PPP1R10: variants seen among roughly 807,000 people sequenced by gnomAD.
The protein encoded by PPP1R10 is serine/threonine-protein phosphatase 1 regulatory subunit 10.
In PPP1R10, 15 loss-of-function variants were observed where a neutral mutation model predicts 99.0. The ratio of observed to expected loss-of-function variants is 0.15; its 90% CI spans 0.10 to 0.23. PPP1R10 has a LOEUF of 0.23. Among genes scored for constraint, PPP1R10 ranks in the 10% least tolerant of loss-of-function variants. The pLI, the probability that PPP1R10 is intolerant of heterozygous loss-of-function variation, is 1.00. For synonymous variants in PPP1R10, 430 were observed against 449.5 expected (o/e 0.96, Z 0.55); for missense variants, 947 against 1,259.4 (o/e 0.75, Z 3.75).
In PPP1R10 at chr6:30,604,690, T is replaced by C. The variant is rs766607242; in HGVS notation, c.1000A>G (p.Lys334Glu). ...GKTSTEPSTA[K>E]PSSPEPAPPS... is the part of the protein sequence containing the mutation. ...GGTGCTGGTTCTGGGGAAGAAGGTTTGGCTGTGCTTGGTTCTGTGCTCGTT... is the reference window on the plus strand; with the variant it reads ...GGTGCTGGTTCTGGGGAAGAAGGTTCGGCTGTGCTTGGTTCTGTGCTCGTT... The change falls in exon 12 of 20, where the codon AAA (lysine) becomes GAA (glutamate). Residue 334 changes from lysine to glutamate, a missense_variant. By Grantham distance (56) the Lys-to-Glu change is moderately conservative. Coordinates refer to ENST00000376511, the MANE Select transcript of PPP1R10 (RefSeq NM_002714.4). The surrounding 1 kb of genome is among the most constrained non-coding windows in gnomAD (Gnocchi z 7.3). The C allele has an allele frequency of 1.2e-6, 2 of 1,613,130 alleles. No individual in the cohort carries two copies. Among genetic ancestry groups the C allele is most frequent in the Non-Finnish European group, 8.5e-7 (1 of 1,180,038 alleles).
intron 2 of PPP1R10, among the ~76,000 whole-genome samples, chr6:30,612,445 CTCTGCTGGA>C (rs1804653472): frequency 6.6e-6 from 1 of 152,282 alleles, no homozygotes; most frequent in Non-Finnish European, 1.5e-5. Context: ...GTCCAGTGCC[CTCTGCTGGA>C]AATGGGATCC....
At chr6:30,616,254 C>T (rs532348905) in intron 2 of PPP1R10, among the ~76,000 whole-genome samples, 6 of 152,246 alleles carry the variant, frequency 3.9e-5, no homozygotes, top group African/African-American at 7.2e-5. Flanking sequence ...TCCACCCTCT[C>T]TTTGCCTGCA....
Position 30,603,282 on chromosome 6 carries a change from T to C in PPP1R10, c.1771A>G (p.Ser591Gly). 1 of 1,612,794 alleles carries C rather than the reference T, an allele frequency of 6.2e-7. No individual in the cohort carries two copies. Reference sequence around the variant, plus strand: ...TCCTCTGAAGGATGACTGTTTGGGCTACCCTGTGAGGATGTAAGAAGGCAA... The same window carrying C: ...TCCTCTGAAGGATGACTGTTTGGGCCACCCTGTGAGGATGTAAGAAGGCAA... ...VQEILTSIMG[S>G]PNSHPSEELL... The change falls in exon 17 of 20, where the codon AGC (serine) becomes GGC (glycine). Residue 591 changes from serine (S) to glycine (G), a missense_variant. Ser to Gly is a moderately conservative substitution (Grantham distance 56, BLOSUM62 0). Around this residue, in one of 10 missense-constraint regions of PPP1R10, gnomAD observed 525 missense variants for 578.8 expected, o/e 0.91. Transcript: ENST00000376511.
In PPP1R10 at chr6:30,602,843, T is replaced by C; in HGVS notation, c.1957+3A>G. ...CCATTCCAACCTTTTACTCACCACC[T>C]ACCTGGCATAGGTCCCCCAGGTCCA... On this transcript the variant is annotated splice_donor_region_variant and intron_variant, in intron 18 of 19. Transcript: ENST00000376511. This position sits in a 1 kb window ranked among gnomAD's most constrained non-coding sequence, Gnocchi z 6.7. 1 of 1,552,546 alleles carries C rather than the reference T, an allele frequency of 6.4e-7. No individual in the cohort carries two copies. Among genetic ancestry groups the C allele is most frequent in the Non-Finnish European group, 8.7e-7 (1 of 1,146,534 alleles).
At chr6:30,613,271 G>A (rs989676988) in intron 2 of PPP1R10, among the ~76,000 whole-genome samples, 3 of 152,168 alleles carry the variant, frequency 2.0e-5, no homozygotes, top group African/African-American at 7.2e-5. Context: ...AATGAAACAG[G>A]ACTGAATTGG....
Position 30,602,593 on chromosome 6 carries a change from G to A in PPP1R10, c.2056C>T (p.Pro686Ser). Residue 686 changes from proline (P) to serine (S), a missense_variant, in exon 19 of 20, where the codon CCT becomes TCT. Coordinates refer to ENST00000376511, the MANE Select transcript of PPP1R10 (RefSeq NM_002714.4). The surrounding 1 kb of genome is among the most constrained non-coding windows in gnomAD (Gnocchi z 6.7). Reference protein sequence around the residue: ...GDPFWDGPGDPMRGGPMRGGP... With the variant: ...GDPFWDGPGDSMRGGPMRGGP... ...CCCCGCATTGGGCCACCCCGCATAG[G>A]GTCGCCCGGGCCATCCCAGAAGGGA... 1.3e-6 allele frequency: 2 copies of A among 1,574,544 alleles called. No homozygotes were observed. The highest frequency in any genetic ancestry group is 2.3e-5 in the South Asian group (2 of 86,190).
rs1283386601 is a variant in PPP1R10, at chr6:30,602,034, T to C, written c.2615A>G (p.His872Arg). ...GTGCTCATGAGGTGGCGGCCCTCGATGGTCATGGCCTCGGTGACCAGGGAC... is the reference window on the plus strand; with the variant it reads ...GTGCTCATGAGGTGGCGGCCCTCGACGGTCATGGCCTCGGTGACCAGGGAC... ...HDVPGHRGHD[H>R]RGPPPHEHRG... The change falls in exon 19 of 20, where the codon CAT (histidine) becomes CGT (arginine). Residue 872 changes from histidine (H) to arginine (R), a missense_variant. Around this residue, in one of 10 missense-constraint regions of PPP1R10, gnomAD observed 525 missense variants for 578.8 expected, o/e 0.91. Transcript: ENST00000376511. This position sits in a 1 kb window ranked among gnomAD's most constrained non-coding sequence, Gnocchi z 6.7. 1.3e-6 allele frequency: 2 copies of C among 1,542,466 alleles called. No individual in the cohort carries two copies. Among genetic ancestry groups the C allele is most frequent in the South Asian group, 1.2e-5 (1 of 80,374 alleles).
At chr6:30,603,052 A>C (rs1393244833) in intron 17 of PPP1R10, 93 bp from the exon 18 acceptor site, 6 of 1,376,566 alleles carry the variant, frequency 4.4e-6, no homozygotes, top group Non-Finnish European at 6.0e-6. Context: ...CTCTCAAACC[A>C]ACCTGGCAGA....
chr6:30,608,980 A>G (rs1193520993), intron 4 of PPP1R10, 66 bp from the exon 5 acceptor site: 8 of 1,611,420 alleles, frequency 5.0e-6, no homozygotes, highest in Non-Finnish European at 5.9e-6. Flanking sequence ...CACATCCTAC[A>G]ATCCCAGTCT....
rs1237735365 is a variant in PPP1R10 at position 30,603,786 on chromosome 6, T to C, written c.1566A>G (p.Leu522=). Residue 522 remains leucine (L), a synonymous_variant, in exon 15 of 20, where the codon CTA becomes CTG. Coordinates refer to ENST00000376511, the MANE Select transcript of PPP1R10 (RefSeq NM_002714.4). Reference sequence around the variant, plus strand: ...TCACAGAACATTGACTTACCTCATCTAGGGGGATGAGTTTAGGGGGTATGG... The same window carrying C: ...TCACAGAACATTGACTTACCTCATCCAGGGGGATGAGTTTAGGGGGTATGG... ...YEPIPPKLIP[L]DEECSMDETP... 1.3e-6 allele frequency: 2 copies of C among 1,542,646 alleles called. No individual in the cohort carries two copies. The highest frequency in any genetic ancestry group is 2.3e-5 in the East Asian group (1 of 44,324).
chr6:30,606,789 G>C lies in PPP1R10; in HGVS notation c.450C>G (p.Thr150=), dbSNP rs550525159. The change falls in exon 7 of 20, where the codon ACC becomes ACG. Residue 150 remains threonine, a synonymous_variant. Coordinates refer to ENST00000376511, the MANE Select transcript of PPP1R10 (RefSeq NM_002714.4). This position sits in a 1 kb window ranked among gnomAD's most constrained non-coding sequence, Gnocchi z 6.3. The part of the protein sequence containing the change: ...WMAVIRSQSS[T]QPAEKDKKKR... ...GACTAAGGAGCTTACCAGCAGGCTG[G>C]GTACTGCTCTGAGAGCGGATGACAG... 5.5e-5 allele frequency: 89 copies of C among 1,614,034 alleles called. 2 individuals carry two copies. In the South Asian group the frequency reaches 9.2e-4, roughly 17 times the overall value.
chr6:30,603,778 A>G lies in PPP1R10; in HGVS notation c.1572+2T>C. On this transcript the variant is annotated splice_donor_variant, in intron 15 of 19. Coordinates refer to ENST00000376511, the MANE Select transcript of PPP1R10 (RefSeq NM_002714.4). LOFTEE classifies it high-confidence loss of function. Reference sequence around the variant, plus strand: ...TTCCATCATCACAGAACATTGACTTACCTCATCTAGGGGGATGAGTTTAGG... The same window carrying G: ...TTCCATCATCACAGAACATTGACTTGCCTCATCTAGGGGGATGAGTTTAGG... 1.3e-6 allele frequency: 2 copies of G among 1,541,262 alleles called. No individual in the cohort carries two copies. The highest frequency in any genetic ancestry group is 1.7e-6 in the Non-Finnish European group (2 of 1,145,506).
chr6:30,614,290 G>A (rs1322843748), intron 2 of PPP1R10, among the ~76,000 whole-genome samples: 2 of 151,828 alleles, frequency 1.3e-5, no homozygotes, highest in African/African-American at 2.4e-5. Context: ...AAAAAAGGTG[G>A]CTCTTTGGGG....
intron 19 of PPP1R10, 82 bp from the exon 20 acceptor site, chr6:30,601,740 T>C: frequency 5.7e-6 from 8 of 1,398,790 alleles, no homozygotes; most frequent in Non-Finnish European, 7.9e-6. Context: ...CATGACATCC[T>C]GAGAACTGTC....
At chr6:30,608,734 A>G (rs756877848) in intron 5 of PPP1R10, 45 bp downstream of exon 5, 1 of 1,598,652 alleles carries the variant, frequency 6.3e-7, no homozygotes, top group Non-Finnish European at 8.6e-7. Flanking sequence ...CATCCATTAG[A>G]CTAAACCAAA....
intron 2 of PPP1R10, among the ~76,000 whole-genome samples, chr6:30,613,411 C>T (rs1561851266): frequency 6.6e-6 from 1 of 152,174 alleles, no homozygotes; most frequent in Admixed American, 6.5e-5. Context: ...TTGTACCTAA[C>T]CCCTTATGTT....
At chr6:30,615,727 T>C (rs983859856) in intron 2 of PPP1R10, among the ~76,000 whole-genome samples, 15 of 152,092 alleles carry the variant, frequency 9.9e-5, no homozygotes, top group Admixed American at 9.2e-4. Context: ...AAAATGTTAA[T>C]CACTCTTTTG....
chr6:30,605,133 T>C, intron 10 of PPP1R10, 39 bp from the exon 11 acceptor site: 1 of 1,551,844 alleles, frequency 6.4e-7, no homozygotes, highest in Non-Finnish European at 8.9e-7. Context: ...TCATCAGACC[T>C]CCTTCATAAT....
At chr6:30,610,829 CA>C (rs1439595183) in intron 2 of PPP1R10, among the ~76,000 whole-genome samples, 1 of 152,164 alleles carries the variant, frequency 6.6e-6, no homozygotes, top group Non-Finnish European at 1.5e-5. Flanking sequence ...CAGATAAAGC[CA>C]AATGCTAGAA....
Sources: allele counts gnomAD v4.1 joint callset (sites outside exome capture counted in the v4.1 genomes callset), GRCh38; gene constraint gnomAD v4.1.1; regional missense constraint gnomAD v4.1.1; non-coding constraint Gnocchi (gnomAD v3.1); transcripts MANE v1.5; gene names NCBI Gene and HGNC (gene_info 2026-07-23, HGNC 2026-07-21).